Variants in PYGO1 observed in about 807,000 individuals in gnomAD.
PYGO1 encodes pygopus homolog 1.
PYGO1 carries 6 observed loss-of-function variants against 29.5 expected under a neutral mutation model. That is an observed-to-expected ratio of 0.20 (90% CI 0.11 to 0.40). PYGO1 has a LOEUF of 0.40. Among genes scored for constraint, PYGO1 ranks in the 10% least tolerant of loss-of-function variants. The pLI is 1.00. For missense variants in PYGO1, 515 were observed against 514.9 expected (o/e 1.00, Z 0.00); for synonymous variants, 186 against 180.5 (o/e 1.03, Z -0.24).
At position 55,547,061 on chromosome 15, in the gene PYGO1, G is replaced by T; in HGVS notation, c.222C>A (p.Asp74Glu). ...GTTTATAGGAAATAGTATTATAGTTGTCATCAAATGGATTAGCAGCCACTA... is the reference window on the plus strand; with the variant it reads ...GTTTATAGGAAATAGTATTATAGTTTTCATCAAATGGATTAGCAGCCACTA... ...DHLVAANPFDDNYNTISYKPL... is the reference protein window; with the variant it reads ...DHLVAANPFDENYNTISYKPL... The change falls in exon 3 of 3, where the codon GAC becomes GAA. Residue 74 changes from aspartate to glutamate, a missense_variant. By Grantham distance (45) the Asp-to-Glu change is conservative. Transcript: ENST00000563719. 2 of 1,613,006 alleles carry T rather than the reference G, an allele frequency of 1.2e-6. No individual in the cohort carries two copies. The highest frequency in any genetic ancestry group is 2.2e-5 in the East Asian group (1 of 44,866).
chr15:55,576,890 G>C lies in PYGO1; in HGVS notation c.49+10945C>G, dbSNP rs923324834. 6.6e-5 allele frequency among the ~76,000 whole-genome samples: 10 copies of C among 151,682 alleles called. 1 individual carries two copies. Among genetic ancestry groups the C allele is most frequent in the Admixed American group, 5.3e-4 (8 of 15,194 alleles). ...ATAAACCTATGAGGTAGGTGTGAAA[G>C]TAAAATAAACCTTAGAACCCCAAAA... is the stretch of plus-strand genomic sequence containing the variant. On this transcript the variant is annotated intron_variant, in intron 1 of 2. Transcript: ENST00000563719.
chr15:55,587,357 T>G (rs117957700), intron 1 of PYGO1, among the ~76,000 whole-genome samples: 3 of 149,142 alleles, frequency 2.0e-5, no homozygotes, highest in African/African-American at 7.6e-5. Context: ...AACTGAATAT[T>G]TGTTGCCTTT....
chr15:55,588,885 C>T (rs752195295), upstream of PYGO1: 8 of 1,604,224 alleles, frequency 5.0e-6, 1 homozygote, highest in African/African-American at 9.4e-5. Context: ...TCCGTGTCCG[C>T]GTGGCCGTGG....
At chr15:55,572,455 A>T (rs1246033472) in intron 1 of PYGO1, among the ~76,000 whole-genome samples, 2 of 152,228 alleles carry the variant, frequency 1.3e-5, no homozygotes. Flanking sequence ...AAACTCCTGG[A>T]AGAAAAGAGA....
chr15:55,574,664 G>C (rs1220124344), intron 1 of PYGO1, among the ~76,000 whole-genome samples: 1 of 151,354 alleles, frequency 6.6e-6, no homozygotes, highest in Non-Finnish European at 1.5e-5. Flanking sequence ...GTGTGTGTGT[G>C]TGTGTGTGTA....
At chr15:55,559,422 C>T (rs576264699) in intron 1 of PYGO1, among the ~76,000 whole-genome samples, 4 of 152,170 alleles carry the variant, frequency 2.6e-5, no homozygotes, top group East Asian at 3.9e-4. Flanking sequence ...GACAGTGCGG[C>T]GATTCCTCAA....
chr15:55,559,960 C>G (rs781259862), intron 1 of PYGO1, among the ~76,000 whole-genome samples: 7 of 152,082 alleles, frequency 4.6e-5, no homozygotes, highest in Non-Finnish European at 8.8e-5. Context: ...AGATGCAGAA[C>G]AGGCCTTCAA....
intron 1 of PYGO1, among the ~76,000 whole-genome samples, chr15:55,557,600 T>C (rs2058912215): frequency 6.6e-6 from 1 of 152,122 alleles, no homozygotes; most frequent in Admixed American, 6.6e-5. Context: ...CTCAATAAAA[T>C]ACTGGCAAAC....
chr15:55,566,410 C>CT lies in PYGO1; in HGVS notation c.50-17416dup, dbSNP rs879658021. 6.7e-3 allele frequency among the ~76,000 whole-genome samples: 983 copies of CT among 146,602 alleles called. 4 individuals are homozygous for CT. The highest frequency in any genetic ancestry group is 0.01 in the Non-Finnish European group (687 of 66,288). ...CTACAAAAAAAAAAAAGATTTCATT[C>CT]TTTTTTTTTTATGGTTGTTTATATT... On this transcript the variant is annotated intron_variant, in intron 1 of 2. Transcript: ENST00000563719.
intron 1 of PYGO1, among the ~76,000 whole-genome samples, chr15:55,585,525 C>G (rs1260903877): frequency 6.6e-6 from 1 of 152,124 alleles, no homozygotes; most frequent in Non-Finnish European, 1.5e-5. Context: ...TACAAAATGA[C>G]ATTAAGAAAA....
chr15:55,579,822 C>T (rs1425697250), intron 1 of PYGO1, among the ~76,000 whole-genome samples: 1 of 152,316 alleles, frequency 6.6e-6, no homozygotes, highest in Non-Finnish European at 1.5e-5. Context: ...ACTTACTATA[C>T]AGCAAAATTC....
intron 1 of PYGO1, among the ~76,000 whole-genome samples, chr15:55,584,526 G>A (rs985896396): frequency 2.6e-5 from 4 of 152,148 alleles, no homozygotes; most frequent in Non-Finnish European, 4.4e-5. Context: ...AAGAGTTCTA[G>A]GAATACTGGA....
intron 1 of PYGO1, among the ~76,000 whole-genome samples, chr15:55,562,177 G>C (rs558516051): frequency 1.3e-5 from 2 of 152,142 alleles, no homozygotes; most frequent in Non-Finnish European, 2.9e-5. Context: ...GATGATAAAA[G>C]TCAAGAAACA....
chr15:55,579,081 G>C (rs913192466), intron 1 of PYGO1, among the ~76,000 whole-genome samples: 1 of 152,156 alleles, frequency 6.6e-6, no homozygotes, highest in African/African-American at 2.4e-5. Flanking sequence ...TTGACAGTAA[G>C]AGCCAGTGCT....
rs2414420 is a variant in PYGO1 at position 55,556,953 on chromosome 15, C to G, written c.50-7958G>C. Among the ~76,000 whole-genome samples, 570 of 150,944 alleles carry G rather than the reference C, an allele frequency of 3.8e-3. 4 individuals carry two copies. The highest frequency in any genetic ancestry group is 0.013 in the African/African-American group (541 of 41,194). ...CTCCCAAGACTGAACCAGGAAGAAA[C>G]TGAATTAAAGAATAGTAACAAGTTC... On this transcript the variant is annotated intron_variant, in intron 1 of 2. Transcript: ENST00000563719.
At chr15:55,570,327 T>C (rs1297528356) in intron 1 of PYGO1, among the ~76,000 whole-genome samples, 1 of 152,168 alleles carries the variant, frequency 6.6e-6, no homozygotes, top group Non-Finnish European at 1.5e-5. Flanking sequence ...TAATCTGCCA[T>C]CTTGGGGAAA....
intron 1 of PYGO1, among the ~76,000 whole-genome samples, chr15:55,584,990 C>T (rs2059040537): frequency 6.6e-6 from 1 of 152,074 alleles, no homozygotes; most frequent in Non-Finnish European, 1.5e-5. Context: ...TCTGTGGATC[C>T]CAGAAGTCCT....
chr15:55,576,211 C>G (rs930088507), intron 1 of PYGO1, among the ~76,000 whole-genome samples: 1 of 151,198 alleles, frequency 6.6e-6, no homozygotes, highest in African/African-American at 2.4e-5. Flanking sequence ...AATCCCAGCA[C>G]TTTGGGAGGC....
At chr15:55,556,710 A>T (rs1475541423) in intron 1 of PYGO1, among the ~76,000 whole-genome samples, 1 of 151,926 alleles carries the variant, frequency 6.6e-6, no homozygotes, top group East Asian at 1.9e-4. Context: ...CAATAAAGCC[A>T]GGTTGGTATT....
Sources: allele counts gnomAD v4.1 joint callset (sites outside exome capture counted in the v4.1 genomes callset), GRCh38; gene constraint gnomAD v4.1.1; transcripts MANE v1.5; gene names NCBI Gene and HGNC (gene_info 2026-07-23, HGNC 2026-07-21).